Variants in PRKAA2 observed in about 807,000 individuals in gnomAD.
PRKAA2 encodes protein kinase AMP-activated catalytic subunit alpha 2.
A neutral mutation model predicts 56.3 loss-of-function variants in PRKAA2; 40 were observed. The observed-to-expected ratio is 0.71, with a 90% CI of 0.55 to 0.92. The LOEUF is 0.92. Among genes scored for constraint, PRKAA2 ranks in the 40% least tolerant of loss-of-function variants. The pLI is 0.00. For synonymous variants in PRKAA2, 214 were observed against 234.2 expected (o/e 0.91, Z 0.79); for missense variants, 542 against 686.9 (o/e 0.79, Z 2.36).
Position 56,707,531 on chromosome 1 carries a change from G to C in PRKAA2, c.1477G>C (p.Ala493Pro), listed in dbSNP as rs1437231136. The C allele has an allele frequency of 1.2e-6, 2 of 1,614,166 alleles. No individual in the cohort carries two copies. The highest frequency in any genetic ancestry group is 1.7e-6 in the Non-Finnish European group (2 of 1,180,030). ...AACACCTCAGCGTTCCTGTTCTGCTGCTGGCTTACACAGACCAAGATCAAG... is the reference window on the plus strand; with the variant it reads ...AACACCTCAGCGTTCCTGTTCTGCTCCTGGCTTACACAGACCAAGATCAAG... The part of the protein sequence containing the change: ...SSTPQRSCSA[A>P]GLHRPRSSFD... The change falls in exon 9 of 9, where the codon GCT becomes CCT. Residue 493 changes from alanine (A) to proline (P), a missense_variant. This residue lies in a region of PRKAA2 where 158 missense variants were observed against 166.1 expected (regional missense o/e 0.95). Transcript: ENST00000371244.
chr1:56,686,548 G>A (rs532504874), intron 2 of PRKAA2, among the ~76,000 whole-genome samples: 88 of 152,170 alleles, frequency 5.8e-4, no homozygotes, highest in Non-Finnish European at 1.2e-3. Context: ...TTCTAGTAAG[G>A]GTCTCAGGAA....
intron 1 of PRKAA2, among the ~76,000 whole-genome samples, chr1:56,648,711 A>G (rs985256276): frequency 3.3e-5 from 5 of 152,176 alleles, no homozygotes; most frequent in Non-Finnish European, 7.3e-5. Context: ...ATCTTTGCCA[A>G]CATTTGTTAT....
rs1311201639 is a variant in PRKAA2 at position 56,709,967 on chromosome 1, C to T, written c.*2254C>T. ...TTTTATGTGTATGTTTTTAAAACAG[C>T]TATTTTGTGAATCTAGGTGGTTGGT... On this transcript the variant is annotated 3_prime_UTR_variant, in exon 9 of 9. Transcript: ENST00000371244. The T allele has an allele frequency of 2.0e-5, 3 of 151,988 alleles. No homozygotes were observed. In the East Asian group the frequency reaches 5.8e-4, roughly 29 times the overall value. 9.4% of individuals were successfully genotyped at this position (151,988 alleles called of 1,614,324 possible).
chr1:56,666,734 C>T (rs1644038737), intron 1 of PRKAA2, among the ~76,000 whole-genome samples: 1 of 152,086 alleles, frequency 6.6e-6, no homozygotes, highest in Non-Finnish European at 1.5e-5. Context: ...AATGATGTTA[C>T]AGGAAAGACA....
Position 56,713,810 on chromosome 1 carries a change from A to G in PRKAA2, c.*6097A>G, listed in dbSNP as rs1394833534. On this transcript the variant is annotated 3_prime_UTR_variant, in exon 9 of 9. Transcript: ENST00000371244. ...CAAAAATGGCCATTTTTCTAGACAG[A>G]TAACATTTTCCTAAAGTGGAAGAGA... 1.3e-5 allele frequency: 2 copies of G among 149,964 alleles called. No homozygotes were observed. Among genetic ancestry groups the G allele is most frequent in the Non-Finnish European group, 3.0e-5 (2 of 67,562 alleles). 9.3% of individuals were successfully genotyped at this position (149,964 alleles called of 1,614,324 possible).
At chr1:56,664,855 TACACACACACACACAC>T (rs67041631) in intron 1 of PRKAA2, among the ~76,000 whole-genome samples, 1 of 139,838 alleles carries the variant, frequency 7.2e-6, no homozygotes, top group Non-Finnish European at 1.5e-5. Context: ...AGTATATGTG[TACACACACACACACAC>T]ACACACACAC....
At position 56,708,291 on chromosome 1, in the gene PRKAA2, C is replaced by CT. The variant is rs1212736983; in HGVS notation, c.*579dup. ...CTGCCTAGTGTATTCAACAGAAGGA[C>CT]TGTGGTCATGTAACAGGTAACCACA... is the stretch of plus-strand genomic sequence containing the variant. On this transcript the variant is annotated 3_prime_UTR_variant, in exon 9 of 9. Transcript: ENST00000371244. 1 of 152,492 alleles carries CT rather than the reference C, an allele frequency of 6.6e-6. No individual in the cohort carries two copies. Among genetic ancestry groups the CT allele is most frequent in the African/African-American group, 2.4e-5 (1 of 41,430 alleles). 9.4% of individuals were successfully genotyped at this position (152,492 alleles called of 1,614,324 possible). A position where few individuals can be genotyped will look rare whatever the true frequency, so the allele number is the denominator to read the frequency against.
At chr1:56,703,811 G>C (rs919790835) in intron 6 of PRKAA2, among the ~76,000 whole-genome samples, 160 bp from the exon 7 acceptor site, 3 of 152,206 alleles carry the variant, frequency 2.0e-5, no homozygotes, top group Admixed American at 2.0e-4. Flanking sequence ...TTCAAGGGTG[G>C]TGGGTAATTA....
Position 56,700,017 on chromosome 1 carries a change from A to T in PRKAA2, c.788+3858A>T, listed in dbSNP as rs1456181376. The stretch of plus-strand genomic sequence containing the variant: ...GTTAACGAAGATTGAATTGTTTCTA[A>T]TTTGTGGCTTTTATGACTACTGTTT... On this transcript the variant is annotated intron_variant, in intron 6 of 8. Coordinates refer to ENST00000371244, the MANE Select transcript of PRKAA2 (RefSeq NM_006252.4). Among the ~76,000 whole-genome samples the T allele has an allele frequency of 2.6e-5, 4 of 152,168 alleles. No individual in the cohort carries two copies. In the East Asian group the frequency reaches 7.7e-4, roughly 29 times the overall value.
rs189652203 is a variant in PRKAA2 at position 56,676,549 on chromosome 1, A to T, written c.236+2027A>T. Among the ~76,000 whole-genome samples, 4 of 152,326 alleles carry T rather than the reference A, an allele frequency of 2.6e-5. No homozygotes were observed. In the East Asian group the frequency reaches 5.8e-4, roughly 22 times the overall value. ...ATTTTAGCCCACTGAGACATATGTC[A>T]AGCTTTTAAGATAAAGAACTGTAAG... On this transcript the variant is annotated intron_variant, in intron 2 of 8. Transcript: ENST00000371244.
intron 1 of PRKAA2, among the ~76,000 whole-genome samples, chr1:56,649,578 A>G (rs1646670676): frequency 6.6e-6 from 1 of 152,192 alleles, no homozygotes; most frequent in African/African-American, 2.4e-5. Flanking sequence ...AAATGGTTAT[A>G]AAAACATGGA....
At chr1:56,673,883 G>A (rs780718955) in intron 1 of PRKAA2, among the ~76,000 whole-genome samples, 5 of 152,102 alleles carry the variant, frequency 3.3e-5, no homozygotes, top group African/African-American at 1.2e-4. Context: ...ATCAAATGGG[G>A]GAAAATAAGA....
At chr1:56,687,035 C>T (rs1039908037) in intron 2 of PRKAA2, among the ~76,000 whole-genome samples, 3 of 152,042 alleles carry the variant, frequency 2.0e-5, no homozygotes, top group African/African-American at 7.3e-5. Context: ...CAGGCATGTG[C>T]CACCACGCCT....
chr1:56,671,688 G>A (rs1644077982), intron 1 of PRKAA2, among the ~76,000 whole-genome samples: 1 of 152,178 alleles, frequency 6.6e-6, no homozygotes, highest in Non-Finnish European at 1.5e-5. Context: ...TTACATGTTT[G>A]GAGTACTCTG....
chr1:56,674,342 A>C (rs1644098362), intron 1 of PRKAA2, 39 bp from the exon 2 acceptor site: 1 of 1,487,868 alleles, frequency 6.7e-7, no homozygotes, highest in Non-Finnish European at 9.0e-7. Flanking sequence ...GATTATGTTG[A>C]TATGATAGCA....
intron 2 of PRKAA2, among the ~76,000 whole-genome samples, chr1:56,684,018 G>A (rs1283974534): frequency 6.6e-6 from 1 of 152,154 alleles, no homozygotes; most frequent in East Asian, 1.9e-4. Flanking sequence ...AAAAGATGAT[G>A]TTGGCTTGAA....
chr1:56,688,267 T>C (rs888487315), intron 2 of PRKAA2, among the ~76,000 whole-genome samples: 1 of 152,188 alleles, frequency 6.6e-6, no homozygotes, highest in Admixed American at 6.5e-5. Context: ...GAAGTTTTGC[T>C]GTAATTTTGC....
At chr1:56,683,157 G>T (rs918509024) in intron 2 of PRKAA2, among the ~76,000 whole-genome samples, 1 of 139,288 alleles carries the variant, frequency 7.2e-6, no homozygotes, top group Non-Finnish European at 1.5e-5. Context: ...AGTGATAGTG[G>T]TGTCATTTTC....
intron 2 of PRKAA2, among the ~76,000 whole-genome samples, chr1:56,680,166 A>C (rs1347798916): frequency 4.6e-5 from 7 of 152,132 alleles, no homozygotes; most frequent in African/African-American, 1.4e-4. Flanking sequence ...TCTGAGGATC[A>C]ACTGTACCCC....
Sources: gnomAD v4.1 joint callset for allele counts (sites outside exome capture counted in the v4.1 genomes callset) on GRCh38, gnomAD v4.1.1 for gene constraint, gnomAD v4.1.1 regional missense constraint, MANE v1.5 for transcripts, NCBI Gene and HGNC (gene_info 2026-07-23, HGNC 2026-07-21) for gene names.